USP37: variants seen among roughly 807,000 people sequenced by gnomAD.
USP37 encodes ubiquitin specific peptidase 37.
Under a neutral mutation model 124.0 loss-of-function variants are expected in USP37, and 27 were observed. That is an observed-to-expected ratio of 0.22 (90% CI 0.16 to 0.30). The LOEUF is 0.30. Among genes scored for constraint, USP37 ranks in the 10% least tolerant of loss-of-function variants. The pLI is 1.00. For synonymous variants in USP37, 365 were observed against 388.0 expected (o/e 0.94, Z 0.70); for missense variants, 889 against 1,140.4 (o/e 0.78, Z 3.17).
intron 10 of USP37, among the ~76,000 whole-genome samples, chr2:218,511,195 A>C (rs920906611): frequency 1.3e-5 from 2 of 151,956 alleles, no homozygotes; most frequent in Non-Finnish European, 2.9e-5. Flanking sequence ...GCTGAAGTGC[A>C]GTGGCGTGAT....
At chr2:218,475,013 A>G (rs1007694622) in intron 19 of USP37, 128 bp from the exon 20 acceptor site, 19 of 859,846 alleles carry the variant, frequency 2.2e-5, no homozygotes, top group Middle Eastern at 3.5e-4. Flanking sequence ...TTATTTAACA[A>G]TCAATAACCA....
intron 8 of USP37, among the ~76,000 whole-genome samples, chr2:218,544,585 A>G (rs632554): frequency 0.99 from 150,315 of 151,764 alleles, 74,457 homozygotes; most frequent in Middle Eastern, 1. Flanking sequence ...TTTTGGTGGT[A>G]GCCTTTAAAG....
At chr2:218,493,261 T>A (rs901157206) in intron 14 of USP37, among the ~76,000 whole-genome samples, 1 of 152,156 alleles carries the variant, frequency 6.6e-6, no homozygotes. Flanking sequence ...CTGTCCTAAA[T>A]AAAATTACTA....
chr2:218,506,770 T>C, intron 11 of USP37, among the ~76,000 whole-genome samples: 1 of 152,086 alleles, frequency 6.6e-6, no homozygotes, highest in Admixed American at 6.6e-5. Flanking sequence ...CATTTATTCT[T>C]GCTTGTCCAT....
chr2:218,481,529 T>C lies in USP37; in HGVS notation c.1835+541A>G, dbSNP rs536784494. On this transcript the variant is annotated intron_variant, in intron 17 of 25. Transcript: ENST00000258399. ...CTTCTAGCACTCTAACCAAGAGCAC[T>C]TCCTAAAAAAGCACCTCACTATGAA... Among the ~76,000 whole-genome samples the C allele has an allele frequency of 2.6e-5, 4 of 152,274 alleles. No homozygotes were observed. In the South Asian group the frequency reaches 8.3e-4, roughly 32 times the overall value.
At chr2:218,496,798 G>C (rs1439002903) in intron 13 of USP37, among the ~76,000 whole-genome samples, 1 of 151,920 alleles carries the variant, frequency 6.6e-6, no homozygotes, top group Non-Finnish European at 1.5e-5. Flanking sequence ...ACAGACATGC[G>C]ACATCACGCC....
intron 5 of USP37, among the ~76,000 whole-genome samples, chr2:218,551,260 A>G (rs1692651812): frequency 6.6e-6 from 1 of 152,238 alleles, no homozygotes. Context: ...TCTGCAAAGT[A>G]TATAATAACC....
chr2:218,468,688 G>A (rs1690505488), intron 20 of USP37, among the ~76,000 whole-genome samples: 1 of 151,896 alleles, frequency 6.6e-6, no homozygotes, highest in Non-Finnish European at 1.5e-5. Context: ...CCCTAGTACT[G>A]TATTTTATCT....
intron 4 of USP37, among the ~76,000 whole-genome samples, chr2:218,555,914 T>C (rs183810012): frequency 6.6e-6 from 1 of 152,316 alleles, no homozygotes; most frequent in Admixed American, 6.5e-5. Context: ...CCCAAATCTT[T>C]AAATCTTCTT....
intron 7 of USP37, among the ~76,000 whole-genome samples, 178 bp downstream of exon 7, chr2:218,546,741 A>G (rs1193069506): frequency 6.6e-6 from 1 of 152,230 alleles, no homozygotes. Flanking sequence ...TATATGCTGT[A>G]TATTTGTATG....
At position 218,453,324 on chromosome 2, in the gene USP37, G is replaced by A. The variant is rs1163721699; in HGVS notation, c.*1606C>T. ...GTCACTCAGACTGCAGTGCAATGAT[G>A]CGATCTCAGCTCACTGCAACCTCTG... is the stretch of plus-strand genomic sequence containing the variant. On this transcript the variant is annotated 3_prime_UTR_variant, in exon 26 of 26. Transcript: ENST00000258399. 1 of 151,772 alleles carries A rather than the reference G, an allele frequency of 6.6e-6. No homozygotes were observed. Among genetic ancestry groups the A allele is most frequent in the East Asian group, 1.9e-4 (1 of 5,178 alleles). The allele number at this position is 151,772 out of a possible 1,614,324, so 9.4% of individuals were successfully genotyped here.
At chr2:218,467,409 C>T (rs1328220896) in intron 20 of USP37, among the ~76,000 whole-genome samples, 5 of 151,942 alleles carry the variant, frequency 3.3e-5, no homozygotes, top group South Asian at 2.1e-4. Context: ...AGTGCAGTGG[C>T]GCGATCTCGG....
At chr2:218,465,611 G>A (rs1690271851) in intron 21 of USP37, among the ~76,000 whole-genome samples, 1 of 152,178 alleles carries the variant, frequency 6.6e-6, no homozygotes, top group Non-Finnish European at 1.5e-5. Flanking sequence ...AGGCTGGAGT[G>A]CAGTGGCGTG....
At chr2:218,488,195 AAAG>A in intron 15 of USP37, 106 bp downstream of exon 15, 16 of 621,760 alleles carry the variant, frequency 2.6e-5, no homozygotes, top group South Asian at 1.2e-4. Context: ...AAAAAAAAAA[AAAG>A]AAAAGAAAAG....
chr2:218,537,228 C>T (rs1179878201), intron 8 of USP37, among the ~76,000 whole-genome samples: 2 of 152,204 alleles, frequency 1.3e-5, no homozygotes, highest in Admixed American at 1.3e-4. Flanking sequence ...CTTAATGGGG[C>T]TAGTCCTGTG....
In USP37 at chr2:218,476,930, G is replaced by C; in HGVS notation, c.1953C>G (p.Asp651Glu). Residue 651 changes from aspartate to glutamate, a missense_variant, in exon 19 of 26, where the codon GAC (aspartate) becomes GAG (glutamate). Coordinates refer to ENST00000258399, the MANE Select transcript of USP37 (RefSeq NM_020935.3). ...CAGAACGTTTTAGCTCATCCTCACTGTCTGAATCAAGGCATAAAGCCAAGG... is the reference window on the plus strand; with the variant it reads ...CAGAACGTTTTAGCTCATCCTCACTCTCTGAATCAAGGCATAAAGCCAAGG... ...KSSLALCLDS[D>E]SEDELKRSVA... 6.2e-7 allele frequency: 1 copy of C among 1,602,148 alleles called. No individual in the cohort carries two copies. The highest frequency in any genetic ancestry group is 8.5e-7 in the Non-Finnish European group (1 of 1,174,784).
Position 218,453,055 on chromosome 2 carries a change from T to A in USP37, c.*1875A>T, listed in dbSNP as rs1381326987. On this transcript the variant is annotated 3_prime_UTR_variant, in exon 26 of 26. Coordinates refer to ENST00000258399, the MANE Select transcript of USP37 (RefSeq NM_020935.3). ...TTGGAACATTCATTACAATAAGGTA[T>A]ATAGGTAGATGGTAGGAGGCAAAGC... 2.6e-5 allele frequency: 4 copies of A among 152,196 alleles called. No individual in the cohort carries two copies. The highest frequency in any genetic ancestry group is 4.8e-5 in the African/African-American group (2 of 41,436). 9.4% of individuals were successfully genotyped at this position (152,196 alleles called of 1,614,324 possible).
intron 10 of USP37, among the ~76,000 whole-genome samples, chr2:218,519,957 T>A (rs1690512815): frequency 6.6e-6 from 1 of 152,036 alleles, no homozygotes; most frequent in Non-Finnish European, 1.5e-5. Flanking sequence ...TTCCTTTATT[T>A]GAAAGAGTTT....
intron 11 of USP37, among the ~76,000 whole-genome samples, chr2:218,502,381 A>G (rs1689438651): frequency 6.6e-6 from 1 of 152,192 alleles, no homozygotes; most frequent in South Asian, 2.1e-4. Flanking sequence ...AGAAGGAAAT[A>G]TCTGAACTTG....
Sources: gnomAD v4.1 joint callset for allele counts (sites outside exome capture counted in the v4.1 genomes callset) on GRCh38, gnomAD v4.1.1 for gene constraint, MANE v1.5 for transcripts, NCBI Gene and HGNC (gene_info 2026-07-23, HGNC 2026-07-21) for gene names.